The following ATXN1 variants were observed in gnomAD, a reference collection of about 807,000 sequenced individuals.
ATXN1 encodes the protein ataxin 1.
In ATXN1, 8 loss-of-function variants were observed where a neutral mutation model predicts 56.4. That is an observed-to-expected ratio of 0.14 (90% CI 0.08 to 0.26). ATXN1 has a LOEUF of 0.26. ATXN1 is among the 10% of genes least tolerant of loss of function. ATXN1 has a pLI of 1.00. For synonymous variants in ATXN1, 514 were observed against 494.6 expected, an observed-to-expected ratio of 1.04 and a Z score of -0.52; for missense variants, 987 against 1,106.5, an observed-to-expected ratio of 0.89 and a Z score of 1.53.
At chr6:16,458,771 T>C (rs1028399262) in intron 6 of ATXN1, among the ~76,000 whole-genome samples, 1 of 152,184 alleles carries the variant, frequency 6.6e-6, no homozygotes, top group East Asian at 1.9e-4. Context: ...CCCTCACCCA[T>C]GTCCACTATG....
intron 6 of ATXN1, among the ~76,000 whole-genome samples, chr6:16,329,296 C>A (rs1464325925): frequency 6.6e-6 from 1 of 152,092 alleles, no homozygotes; most frequent in Admixed American, 6.5e-5. Flanking sequence ...CCAGAACAGT[C>A]CTTGCACTCG....
chr6:16,530,571 C>T (rs774943070), intron 4 of ATXN1, among the ~76,000 whole-genome samples: 2 of 152,014 alleles, frequency 1.3e-5, no homozygotes, highest in Non-Finnish European at 2.9e-5. Context: ...CATCGTTTTA[C>T]TTAAGAGAAC....
At chr6:16,576,729 T>C (rs1335780156) in intron 4 of ATXN1, among the ~76,000 whole-genome samples, 2 of 152,246 alleles carry the variant, frequency 1.3e-5, no homozygotes, top group African/African-American at 4.8e-5. Flanking sequence ...TTTGTGTATC[T>C]GCCCAAATGT....
intron 6 of ATXN1, among the ~76,000 whole-genome samples, chr6:16,388,424 T>C (rs922640684): frequency 3.3e-5 from 5 of 152,188 alleles, no homozygotes; most frequent in East Asian, 1.9e-4. Context: ...TAGCACTAGA[T>C]TGTCTGCTTC....
intron 3 of ATXN1, among the ~76,000 whole-genome samples, chr6:16,617,782 A>G (rs1246381691): frequency 6.6e-6 from 1 of 151,340 alleles, no homozygotes; most frequent in Non-Finnish European, 1.5e-5. Context: ...AAAAAAAAAA[A>G]GAAATATACT....
At chr6:16,468,702 C>CT (rs1209011182) in intron 6 of ATXN1, among the ~76,000 whole-genome samples, 2 of 152,148 alleles carry the variant, frequency 1.3e-5, no homozygotes, top group African/African-American at 4.8e-5. Context: ...AGTCACTCCC[C>CT]TTTCTAAGCA....
At position 16,306,638 on chromosome 6, in the gene ATXN1, G is replaced by A. The variant is rs767446655; in HGVS notation, c.2139C>T (p.Ala713=). ...TGTGTCTGCTGCCCGCCAGGCCGTC[G>A]GCCTTTGAGTGCTTCAGCAGGACGC... ...PASVLLKHSK[A]DGLAGSRHRY... is the part of the protein sequence containing the mutation. The change falls in exon 8 of 8, where the codon GCC becomes GCT. Residue 713 remains alanine (A), a synonymous_variant. Transcript: ENST00000436367. This position sits in a 1 kb window ranked among gnomAD's most constrained non-coding sequence, Gnocchi z 5.2. 1.9e-6 allele frequency: 3 copies of A among 1,614,222 alleles called. No homozygotes were observed. Among genetic ancestry groups the A allele is most frequent in the South Asian group, 1.1e-5 (1 of 91,086 alleles).
At chr6:16,612,943 A>T (rs1449509705) in intron 3 of ATXN1, among the ~76,000 whole-genome samples, 12 of 151,714 alleles carry the variant, frequency 7.9e-5, no homozygotes, top group Admixed American at 7.9e-4. Flanking sequence ...TATAAAGGAA[A>T]AGCACATAAA....
chr6:16,500,641 C>T (rs1166633012), intron 5 of ATXN1, among the ~76,000 whole-genome samples: 3 of 149,386 alleles, frequency 2.0e-5, no homozygotes, highest in African/African-American at 7.4e-5. Flanking sequence ...TATGGCCCAA[C>T]TACAAGAAGG....
At chr6:16,700,224 C>T (rs1262743347) in intron 2 of ATXN1, among the ~76,000 whole-genome samples, 1 of 152,142 alleles carries the variant, frequency 6.6e-6, no homozygotes, top group East Asian at 1.9e-4. Context: ...GTCAAACTGG[C>T]GATCTGGACA....
At chr6:16,363,487 A>G (rs1278348199) in intron 6 of ATXN1, among the ~76,000 whole-genome samples, 2 of 152,244 alleles carry the variant, frequency 1.3e-5, no homozygotes, top group Non-Finnish European at 2.9e-5. Flanking sequence ...ATAAAGTGTG[A>G]TGTGGTATGG....
intron 6 of ATXN1, among the ~76,000 whole-genome samples, chr6:16,415,272 C>G (rs563838769): frequency 4.2e-4 from 64 of 152,316 alleles, no homozygotes; most frequent in African/African-American, 1.5e-3. Flanking sequence ...CTCTGTCGCC[C>G]AGACTGGAGT....
At chr6:16,618,023 T>G (rs1401963896) in intron 3 of ATXN1, among the ~76,000 whole-genome samples, 1 of 150,248 alleles carries the variant, frequency 6.7e-6, no homozygotes, top group Non-Finnish European at 1.5e-5. Context: ...CTGACCCTAG[T>G]GAATGGAAGG....
intron 2 of ATXN1, among the ~76,000 whole-genome samples, chr6:16,724,697 AT>A (rs1759812869): frequency 6.6e-6 from 1 of 152,198 alleles, no homozygotes; most frequent in Non-Finnish European, 1.5e-5. Flanking sequence ...TGACGCCTTA[AT>A]TTTTATTATA....
At chr6:16,453,753 A>T (rs1190649189) in intron 6 of ATXN1, among the ~76,000 whole-genome samples, 2 of 152,196 alleles carry the variant, frequency 1.3e-5, no homozygotes, top group African/African-American at 4.8e-5. Context: ...ACATAAATTT[A>T]TATCTGCTGT....
At chr6:16,324,646 C>A (rs374439859) in intron 7 of ATXN1, among the ~76,000 whole-genome samples, 26 of 152,152 alleles carry the variant, frequency 1.7e-4, no homozygotes, top group African/African-American at 6.0e-4. Flanking sequence ...CGCTCGATAG[C>A]CAGGAAAGCT....
intron 6 of ATXN1, among the ~76,000 whole-genome samples, chr6:16,453,465 A>G (rs1759797089): frequency 6.6e-6 from 1 of 152,212 alleles, no homozygotes; most frequent in Non-Finnish European, 1.5e-5. Flanking sequence ...CGTCTCAAAA[A>G]TAAAATAAAA....
intron 7 of ATXN1, among the ~76,000 whole-genome samples, chr6:16,317,615 G>A (rs549614787): frequency 1.1e-4 from 17 of 152,174 alleles, no homozygotes; most frequent in Admixed American, 2.6e-4. Flanking sequence ...GTGAGCCACC[G>A]CGCCCAGGGA....
chr6:16,638,268 A>AC (rs1763635500), intron 3 of ATXN1, among the ~76,000 whole-genome samples: 1 of 145,312 alleles, frequency 6.9e-6, no homozygotes, highest in African/African-American at 2.5e-5. Context: ...ACATAGTGAG[A>AC]CCCCCATCTC....
Sources: allele counts gnomAD v4.1 joint callset (sites outside exome capture counted in the v4.1 genomes callset), GRCh38; gene constraint gnomAD v4.1.1; non-coding constraint Gnocchi (gnomAD v3.1); transcripts MANE v1.5; gene names NCBI Gene and HGNC (gene_info 2026-07-23, HGNC 2026-07-21).